ADCK1: variants seen among roughly 807,000 people sequenced by gnomAD.
ADCK1 encodes aarF domain containing kinase 1, also known as aarF domain-containing protein kinase 1.
In ADCK1, 41 loss-of-function variants were observed where a neutral mutation model predicts 52.3. The ratio of observed to expected loss-of-function variants is 0.78; its 90% CI spans 0.61 to 1.02. The LOEUF is 1.02. ADCK1 is among the 50% of genes least tolerant of loss of function. The pLI is 0.00. For missense variants in ADCK1, 658 were observed against 679.5 expected, an observed-to-expected ratio of 0.97 and a Z score of 0.35; for synonymous variants, 250 against 274.6, an observed-to-expected ratio of 0.91 and a Z score of 0.89.
chr14:77,877,505 G>A (rs750555152), intron 4 of ADCK1, among the ~76,000 whole-genome samples: 15 of 152,204 alleles, frequency 9.9e-5, no homozygotes, highest in South Asian at 2.1e-4. Context: ...GTGGCTGGGC[G>A]TTCACCTCAG....
chr14:77,818,876 A>C, intron 1 of ADCK1, 92 bp from the exon 2 acceptor site: 1 of 1,438,692 alleles, frequency 7.0e-7, no homozygotes, highest in African/African-American at 1.4e-5. Flanking sequence ...AGGTCATATA[A>C]TCTAAGTGGT....
At chr14:77,801,684 A>T (rs2081113633) in intron 1 of ADCK1, among the ~76,000 whole-genome samples, 9 of 152,208 alleles carry the variant, frequency 5.9e-5, no homozygotes, top group Admixed American at 5.9e-4. Context: ...TCACACCTGT[A>T]ATCCCAGCAC....
intron 6 of ADCK1, among the ~76,000 whole-genome samples, chr14:77,902,948 C>T (rs1377909720): frequency 6.6e-6 from 1 of 152,178 alleles, no homozygotes; most frequent in Non-Finnish European, 1.5e-5. Flanking sequence ...TGTGGTGCTC[C>T]TCTCAGGATA....
chr14:77,921,333 A>AAAAAAAAAAAAAAAG lies in ADCK1; in HGVS notation c.859-3110_859-3109insGAAAAAAAAAAAAAA, dbSNP rs1343888269. 9.8e-4 allele frequency among the ~76,000 whole-genome samples: 132 copies of AAAAAAAAAAAAAAAG among 134,866 alleles called. 4 individuals are homozygous for AAAAAAAAAAAAAAAG. Among genetic ancestry groups the AAAAAAAAAAAAAAAG allele is most frequent in the Non-Finnish European group, 1.8e-3 (118 of 66,254 alleles). The allele number at this position is 134,866 out of a possible 152,430, so 88.5% of individuals were successfully genotyped here. On this transcript the variant is annotated intron_variant, in intron 7 of 10. Coordinates refer to ENST00000238561, the MANE Select transcript of ADCK1 (RefSeq NM_020421.4). Reference sequence around the variant, plus strand: ...CAGAGTGAGACTCTGTCTCAAAAAAAAAAAAAAAAAAAAAAGAAAAAAAAG... The same window carrying AAAAAAAAAAAAAAAG: ...CAGAGTGAGACTCTGTCTCAAAAAAAAAAAAAAAAAAAAAGAAAAAAAAAAAAAAAGAAAAAAAAG...
intron 4 of ADCK1, among the ~76,000 whole-genome samples, chr14:77,879,741 A>G (rs2082980168): frequency 6.6e-6 from 1 of 152,112 alleles, no homozygotes; most frequent in East Asian, 1.9e-4. Flanking sequence ...AGGTCATTGC[A>G]GTCTCTGGGG....
chr14:77,853,608 G>A (rs1249872456), intron 3 of ADCK1, among the ~76,000 whole-genome samples: 1 of 152,170 alleles, frequency 6.6e-6, no homozygotes, highest in Non-Finnish European at 1.5e-5. Flanking sequence ...GCCCTTCTGG[G>A]TGTTGCCACA....
chr14:77,853,439 G>A (rs1027046329), intron 3 of ADCK1, among the ~76,000 whole-genome samples: 3 of 152,128 alleles, frequency 2.0e-5, no homozygotes, highest in Admixed American at 2.0e-4. Flanking sequence ...TATTTTTAGG[G>A]TGGTAGATAT....
Position 77,818,561 on chromosome 14 carries a change from C to T in ADCK1, c.-11-407C>T, listed in dbSNP as rs113270408. ...CCTCCTAAAGTGTTGGTATTACAGA[C>T]ATAAGCCACCATGCTCAGCCTCTCT... On this transcript the variant is annotated intron_variant, in intron 1 of 10. Transcript: ENST00000238561. Among the ~76,000 whole-genome samples, 882 of 152,318 alleles carry T rather than the reference C, an allele frequency of 5.8e-3. 11 individuals are homozygous for T. Among genetic ancestry groups the T allele is most frequent in the African/African-American group, 0.021 (853 of 41,576 alleles).
At chr14:77,899,032 A>G in intron 5 of ADCK1, 68 bp from the exon 6 acceptor site, 1 of 1,591,876 alleles carries the variant, frequency 6.3e-7, no homozygotes, top group Non-Finnish European at 8.6e-7. Context: ...AGAACCAGGC[A>G]GGAAGGTAGG....
chr14:77,888,420 T>G (rs1244325362), intron 5 of ADCK1, among the ~76,000 whole-genome samples: 1 of 152,124 alleles, frequency 6.6e-6, no homozygotes, highest in Non-Finnish European at 1.5e-5. Context: ...CAGATCTGAT[T>G]TTTTTCCTGT....
At chr14:77,804,891 G>C (rs1004981151) in intron 1 of ADCK1, among the ~76,000 whole-genome samples, 44 of 152,266 alleles carry the variant, frequency 2.9e-4, no homozygotes, top group Non-Finnish European at 5.7e-4. Context: ...GAGTTGAGTA[G>C]ATGCGTCAGA....
intron 9 of ADCK1, among the ~76,000 whole-genome samples, chr14:77,926,571 C>G (rs887450008): frequency 6.6e-6 from 1 of 152,226 alleles, no homozygotes; most frequent in Non-Finnish European, 1.5e-5. Context: ...ACCTCTGCCT[C>G]CGGGGTTCAA....
chr14:77,822,824 G>A (rs1422169035), intron 3 of ADCK1, among the ~76,000 whole-genome samples: 2 of 152,170 alleles, frequency 1.3e-5, no homozygotes, highest in African/African-American at 4.8e-5. Context: ...GTGCTTCTGA[G>A]GGGTGCTGTC....
intron 3 of ADCK1, among the ~76,000 whole-genome samples, chr14:77,843,578 G>C (rs1322982505): frequency 1.3e-5 from 2 of 152,192 alleles, no homozygotes; most frequent in African/African-American, 2.4e-5. Context: ...TTGTCTGTGT[G>C]ATGGCAGGCT....
intron 9 of ADCK1, among the ~76,000 whole-genome samples, chr14:77,929,462 T>C (rs1391343330): frequency 1.3e-5 from 2 of 152,220 alleles, no homozygotes; most frequent in Non-Finnish European, 2.9e-5. Flanking sequence ...CAAGAAAACC[T>C]TTTTTAGAAG....
intron 5 of ADCK1, among the ~76,000 whole-genome samples, chr14:77,891,846 C>T (rs942805385): frequency 6.6e-5 from 10 of 151,884 alleles, no homozygotes; most frequent in African/African-American, 2.4e-4. Flanking sequence ...TGGTACAAAA[C>T]CAAGAAGGGC....
intron 1 of ADCK1, among the ~76,000 whole-genome samples, chr14:77,815,343 C>T (rs1033199084): frequency 6.6e-6 from 1 of 151,330 alleles, no homozygotes; most frequent in African/African-American, 2.4e-5. Flanking sequence ...GTAGCTGGGA[C>T]TTATAGGCGT....
intron 7 of ADCK1, among the ~76,000 whole-genome samples, chr14:77,908,561 T>A (rs2083719952): frequency 6.6e-6 from 1 of 152,232 alleles, no homozygotes; most frequent in Admixed American, 6.5e-5. Flanking sequence ...GGTCTTGCTC[T>A]GTTGCCTAGA....
At chr14:77,802,911 G>A (rs1277121821) in intron 1 of ADCK1, among the ~76,000 whole-genome samples, 2 of 151,896 alleles carry the variant, frequency 1.3e-5, no homozygotes, top group East Asian at 2.0e-4. Flanking sequence ...CCGAGATTGC[G>A]CCACTGCACT....
Sources: allele counts gnomAD v4.1 joint callset (sites outside exome capture counted in the v4.1 genomes callset), GRCh38; gene constraint gnomAD v4.1.1; transcripts MANE v1.5; gene names NCBI Gene and HGNC (gene_info 2026-07-23, HGNC 2026-07-21).